The following ARHGEF7 variants were observed in gnomAD, a reference collection of about 807,000 sequenced individuals.
The protein encoded by ARHGEF7 is PAK-interacting exchange factor beta.
In ARHGEF7, 33 loss-of-function variants were observed where a neutral mutation model predicts 109.8. The ratio of observed to expected loss-of-function variants is 0.30; its 90% confidence interval spans 0.23 to 0.40. ARHGEF7 has a LOEUF of 0.40. Ranked by LOEUF, ARHGEF7 falls within the 10% of genes least tolerant of loss-of-function variation. The probability of loss-of-function intolerance (pLI) is 1.00; values close to 1 mark genes in which losing one functional copy is unlikely to be tolerated. For synonymous variants in ARHGEF7, 458 were observed against 424.6 expected (o/e 1.08, Z -0.97); for missense variants, 938 against 1,098.5 (o/e 0.85, Z 2.07).
chr13:111,264,036 T>TAATCCCGGTAGGTTGTGGA (rs369906753), intron 8 of ARHGEF7, among the ~76,000 whole-genome samples: 228 of 152,360 alleles, frequency 1.5e-3, no homozygotes, highest in African/African-American at 5.1e-3. Context: ...GAACTGTGGC[T>TAATCCCGGTAGGTTGTGGA]AATCCCGGTA....
intron 2 of ARHGEF7, among the ~76,000 whole-genome samples, chr13:111,189,871 A>T (rs2079670212): frequency 6.6e-6 from 1 of 152,164 alleles, no homozygotes; most frequent in South Asian, 2.1e-4. Flanking sequence ...TGTGTTTACA[A>T]TCCTTTAGCT....
intron 6 of ARHGEF7, chr13:111,241,176 T>G (rs2087710113): frequency 6.5e-7 from 1 of 1,535,820 alleles, no homozygotes; most frequent in Non-Finnish European, 8.7e-7. Flanking sequence ...GGGCCTTTCT[T>G]CAGCACTGTG....
chr13:111,271,463 C>T (rs973226167), intron 9 of ARHGEF7, among the ~76,000 whole-genome samples: 62 of 152,222 alleles, frequency 4.1e-4, no homozygotes, highest in African/African-American at 1.4e-3. Flanking sequence ...GTGAGCAGGA[C>T]ACCTTGCTGT....
At chr13:111,293,272 C>T (rs907790853) in intron 19 of ARHGEF7, 13 of 985,264 alleles carry the variant, frequency 1.3e-5, no homozygotes, top group Non-Finnish European at 1.6e-5. Flanking sequence ...GACATCCATA[C>T]TTATGTTGTC....
chr13:111,197,247 C>T (rs571183034), intron 2 of ARHGEF7, among the ~76,000 whole-genome samples: 24 of 151,610 alleles, frequency 1.6e-4, no homozygotes, highest in Admixed American at 2.6e-4. Context: ...GCAGAAACAC[C>T]TCTTGCCCAA....
intron 19 of ARHGEF7, among the ~76,000 whole-genome samples, chr13:111,298,972 C>T (rs2093490953): frequency 6.6e-6 from 1 of 152,242 alleles, no homozygotes; most frequent in South Asian, 2.1e-4. Context: ...ATCGGTGTGG[C>T]AAGTGTCTCC....
intron 5 of ARHGEF7, among the ~76,000 whole-genome samples, chr13:111,223,093 G>C (rs1487927921): frequency 6.6e-6 from 1 of 152,120 alleles, no homozygotes; most frequent in East Asian, 1.9e-4. Context: ...GTATATATAG[G>C]GTTGGTATAT....
At chr13:111,146,182 C>T (rs1049544923) in intron 1 of ARHGEF7, among the ~76,000 whole-genome samples, 1 of 152,198 alleles carries the variant, frequency 6.6e-6, no homozygotes, top group Non-Finnish European at 1.5e-5. Flanking sequence ...GACCTTCATT[C>T]TGTGGTTGGG....
In ARHGEF7 at chr13:111,258,186, G is replaced by T. The variant is rs1384545061; in HGVS notation, c.951-9362G>T. The stretch of plus-strand genomic sequence containing the variant: ...TCCTCCCACAACCACAGGCAGTGCA[G>T]CCTGCAGCTCCAGGAGAGACTCCTC... On this transcript the variant is annotated intron_variant, in intron 8 of 21. Coordinates refer to ENST00000646102, the MANE Select transcript of ARHGEF7 (RefSeq NM_001354046.2). This position sits in a 1 kb window ranked among gnomAD's most constrained non-coding sequence, Gnocchi z 4.4. 6.6e-6 allele frequency among the ~76,000 whole-genome samples: 1 copy of T among 151,956 alleles called. No individual in the cohort carries two copies.
At chr13:111,171,042 A>G (rs2077552632) in intron 2 of ARHGEF7, among the ~76,000 whole-genome samples, 1 of 152,106 alleles carries the variant, frequency 6.6e-6, no homozygotes, top group African/African-American at 2.4e-5. Context: ...TGTGCACTGG[A>G]TTTTCTTTTT....
intron 5 of ARHGEF7, among the ~76,000 whole-genome samples, chr13:111,222,094 G>A (rs557106011): frequency 6.6e-6 from 1 of 152,050 alleles, no homozygotes; most frequent in Admixed American, 6.6e-5. Context: ...CCCAGTTCAC[G>A]GACTCAAATG....
chr13:111,145,419 T>C lies in ARHGEF7; in HGVS notation c.166-8486T>C, dbSNP rs2075539356. On this transcript the variant is annotated intron_variant, in intron 1 of 21. Coordinates refer to ENST00000646102, the MANE Select transcript of ARHGEF7 (RefSeq NM_001354046.2). This position sits in a 1 kb window ranked among gnomAD's most constrained non-coding sequence, Gnocchi z 4.3. ...TGACAGAAAAGTCATTAACTCTCCC[T>C]GACCCCGAAGCGAAAGGTCAAGGGA... is the stretch of plus-strand genomic sequence containing the variant. Among the ~76,000 whole-genome samples the C allele has an allele frequency of 6.6e-6, 1 of 152,200 alleles. No homozygotes were observed. Among genetic ancestry groups the C allele is most frequent in the African/African-American group, 2.4e-5 (1 of 41,442 alleles).
chr13:111,170,408 ATCT>A (rs1253906373), intron 2 of ARHGEF7, among the ~76,000 whole-genome samples: 1 of 152,218 alleles, frequency 6.6e-6, no homozygotes, highest in Non-Finnish European at 1.5e-5. Context: ...CAGTTAGTCA[ATCT>A]TCTGAGGAAG....
chr13:111,182,830 C>G (rs576172918), intron 2 of ARHGEF7: 1 of 152,318 alleles, frequency 6.6e-6, no homozygotes, highest in Admixed American at 6.5e-5. Context: ...AAAAGCAATG[C>G]ACATTCAGTA....
chr13:111,213,296 C>A (rs2153480280), intron 4 of ARHGEF7, among the ~76,000 whole-genome samples: 1 of 152,286 alleles, frequency 6.6e-6, no homozygotes, highest in Admixed American at 6.5e-5. Context: ...GTCTCTTCTC[C>A]CTTTGGGTTA....
At chr13:111,121,502 G>A (rs2153319023) in intron 1 of ARHGEF7, among the ~76,000 whole-genome samples, 1 of 152,350 alleles carries the variant, frequency 6.6e-6, no homozygotes, top group South Asian at 2.1e-4. Context: ...GAGGCGATGG[G>A]GGCTGTGAGG....
chr13:111,260,432 C>T (rs1428743589), intron 8 of ARHGEF7, among the ~76,000 whole-genome samples: 5 of 152,226 alleles, frequency 3.3e-5, no homozygotes, highest in Admixed American at 6.5e-5. Flanking sequence ...CAGTGGAAAG[C>T]TTCCAGGCCA....
chr13:111,224,007 C>T (rs992544362), intron 5 of ARHGEF7, among the ~76,000 whole-genome samples: 6 of 152,094 alleles, frequency 3.9e-5, no homozygotes, highest in Non-Finnish European at 7.4e-5. Context: ...CAGGTGCCCG[C>T]CACCACGCCC....
intron 1 of ARHGEF7, among the ~76,000 whole-genome samples, chr13:111,139,349 G>A (rs2075238094): frequency 6.6e-6 from 1 of 152,134 alleles, no homozygotes; most frequent in South Asian, 2.1e-4. Context: ...GTGTCTCTCT[G>A]TGACTCTGTT....
Sources: gnomAD v4.1 joint callset for allele counts (sites outside exome capture counted in the v4.1 genomes callset) on GRCh38, gnomAD v4.1.1 for gene constraint, Gnocchi (gnomAD v3.1) non-coding constraint, MANE v1.5 for transcripts, NCBI Gene and HGNC (gene_info 2026-07-23, HGNC 2026-07-21) for gene names.